AKAP12: variants seen among roughly 807,000 people sequenced by gnomAD.
AKAP12 encodes A-kinase anchoring protein 12, also known as A-kinase anchor protein 12.
In AKAP12, 32 loss-of-function variants were observed where a neutral mutation model predicts 79.9. That is an observed-to-expected ratio of 0.40 (90% CI 0.30 to 0.54). The LOEUF (loss-of-function observed/expected upper bound fraction) is 0.54. Ranked by LOEUF, AKAP12 falls within the 20% of genes least tolerant of loss-of-function variation. AKAP12 has a pLI of 0.48. For synonymous variants in AKAP12, 808 were observed against 857.0 expected (o/e 0.94, Z 1.00); for missense variants, 2,074 against 2,177.0 (o/e 0.95, Z 0.94).
chr6:151,325,716 C>T lies in AKAP12; in HGVS notation c.319+19813C>T. Reference sequence around the variant, plus strand: ...AGCTCCGAGGGCACCTCCGGTTCTCCCCCATCCTCCGGGAGTGTCTGGGCG... The same window carrying T: ...AGCTCCGAGGGCACCTCCGGTTCTCTCCCATCCTCCGGGAGTGTCTGGGCG... On this transcript the variant is annotated intron_variant, in intron 3 of 4. Coordinates refer to ENST00000402676, the MANE Select transcript of AKAP12 (RefSeq NM_005100.4). The T allele has an allele frequency of 2.0e-6, 3 of 1,499,564 alleles. No homozygotes were observed. The African/African-American group carries it at 4.2e-5, about 21-fold the overall frequency. 92.9% of individuals were successfully genotyped at this position (1,499,564 alleles called of 1,614,324 possible).
At chr6:151,244,601 TC>T (rs1241250869) in intron 2 of AKAP12, among the ~76,000 whole-genome samples, 4 of 152,064 alleles carry the variant, frequency 2.6e-5, no homozygotes, top group Non-Finnish European at 5.9e-5. Flanking sequence ...CCCATAAGCT[TC>T]CTCCTATTTG....
At chr6:151,264,398 T>C (rs1391654127) in intron 2 of AKAP12, among the ~76,000 whole-genome samples, 2 of 138,004 alleles carry the variant, frequency 1.4e-5, no homozygotes, top group African/African-American at 5.4e-5. Flanking sequence ...AGCTTGGGCA[T>C]AGTGGCTCAC....
At chr6:151,347,040 A>T (rs1478048672) in intron 3 of AKAP12, among the ~76,000 whole-genome samples, 1 of 152,168 alleles carries the variant, frequency 6.6e-6, no homozygotes, top group Non-Finnish European at 1.5e-5. Context: ...CAGACGAGTA[A>T]TGTGCCATCG....
chr6:151,298,828 ATTTTTTTCTT>A (rs968373920), intron 2 of AKAP12: 2 of 151,922 alleles, frequency 1.3e-5, no homozygotes, highest in African/African-American at 2.4e-5. Flanking sequence ...AAATGAAAAA[ATTTTTTTCTT>A]TTTAAAAGCC....
intron 2 of AKAP12, among the ~76,000 whole-genome samples, chr6:151,261,741 A>T (rs770592976): frequency 3.2e-5 from 1 of 31,430 alleles, no homozygotes; most frequent in Non-Finnish European, 5.3e-5. Context: ...TATTTTATTT[A>T]TTTATTTATT....
rs1776713272 is a variant in AKAP12, at chr6:151,295,855, G to A, written c.163-9892G>A. ...GTTCAGACAGCTGGGCCCTGTTTTC[G>A]TCCTGTGGAGCTGGAGGGAAGGGGC... On this transcript the variant is annotated intron_variant, in intron 2 of 4. Coordinates refer to ENST00000402676, the MANE Select transcript of AKAP12 (RefSeq NM_005100.4). Among the ~76,000 whole-genome samples the A allele has an allele frequency of 2.0e-5, 3 of 152,270 alleles. No homozygotes were observed. In the South Asian group the frequency reaches 6.2e-4, roughly 32 times the overall value.
chr6:151,344,672 T>C (rs1291630958), intron 3 of AKAP12, among the ~76,000 whole-genome samples: 2 of 151,884 alleles, frequency 1.3e-5, no homozygotes, highest in African/African-American at 2.4e-5. Context: ...TAGCTAGGGC[T>C]ACAGGCACCC....
intron 2 of AKAP12, among the ~76,000 whole-genome samples, chr6:151,242,985 G>T (rs1255005444): frequency 6.6e-6 from 1 of 152,132 alleles, no homozygotes; most frequent in Non-Finnish European, 1.5e-5. Flanking sequence ...TCATTATCAC[G>T]TGAGACTGAT....
intron 3 of AKAP12, chr6:151,325,563 A>G: frequency 1.6e-6 from 2 of 1,286,722 alleles, no homozygotes; most frequent in Non-Finnish European, 2.0e-6. Context: ...TGCGCTCCCG[A>G]AGTCCTGGAG....
At chr6:151,347,730 T>G (rs1184575870) in intron 3 of AKAP12, among the ~76,000 whole-genome samples, 1 of 152,228 alleles carries the variant, frequency 6.6e-6, no homozygotes, top group Non-Finnish European at 1.5e-5. Context: ...TATTAATTGG[T>G]CATATTTTTA....
At chr6:151,354,563 T>C (rs572401481) in intron 4 of AKAP12, among the ~76,000 whole-genome samples, 69 of 150,738 alleles carry the variant, frequency 4.6e-4, no homozygotes, top group African/African-American at 1.2e-3. Context: ...TTAGTAGAGA[T>C]GGGTTTTCAC....
intron 4 of AKAP12, among the ~76,000 whole-genome samples, chr6:151,354,567 T>G (rs541167477): frequency 8.6e-4 from 129 of 149,970 alleles, no homozygotes; most frequent in Middle Eastern, 3.5e-3. Flanking sequence ...TAGAGATGGG[T>G]TTTCACCGTG....
At position 151,350,168 on chromosome 6, in the gene AKAP12, G is replaced by A. The variant is rs1472632579; in HGVS notation, c.1777G>A (p.Glu593Lys). 1.2e-6 allele frequency: 2 copies of A among 1,613,900 alleles called. No homozygotes were observed. Among genetic ancestry groups the A allele is most frequent in the East Asian group, 2.2e-5 (1 of 44,858 alleles). Residue 593 changes from glutamate to lysine, a missense_variant, in exon 4 of 5, where the codon GAA becomes AAA. By Grantham distance (56) the Glu-to-Lys change is moderately conservative. Around this residue, in one of 3 missense-constraint regions of AKAP12, gnomAD observed 1,428 missense variants for 1,451.0 expected, o/e 0.98. Transcript: ENST00000402676. The surrounding 1 kb of genome is among the most constrained non-coding windows in gnomAD (Gnocchi z 4.8). ...LAEVQQDGEA[E>K]EGATSDGEKK... The stretch of plus-strand genomic sequence containing the variant: ...CGAGGTGCAGCAGGATGGGGAAGCT[G>A]AAGAAGGAGCTACTTCCGATGGAGA...
chr6:151,333,706 T>C (rs1243380577), intron 3 of AKAP12, among the ~76,000 whole-genome samples: 1 of 148,728 alleles, frequency 6.7e-6, no homozygotes, highest in Non-Finnish European at 1.5e-5. Flanking sequence ...ACCACTGCAC[T>C]CTAGCCTGGG....
intron 2 of AKAP12, among the ~76,000 whole-genome samples, chr6:151,262,853 C>T (rs1482333816): frequency 6.6e-6 from 1 of 152,100 alleles, no homozygotes; most frequent in Non-Finnish European, 1.5e-5. Flanking sequence ...ATCTCACAGG[C>T]CTGCTTGGTC....
intron 2 of AKAP12, among the ~76,000 whole-genome samples, chr6:151,274,960 C>T (rs959268313): frequency 1.3e-5 from 2 of 152,048 alleles, no homozygotes; most frequent in Non-Finnish European, 2.9e-5. Flanking sequence ...AAAAATTAAC[C>T]AGGCCTGATG....
chr6:151,253,577 A>G (rs1797232473), intron 2 of AKAP12, among the ~76,000 whole-genome samples: 2 of 152,116 alleles, frequency 1.3e-5, no homozygotes, highest in South Asian at 4.1e-4. Context: ...AGAAACTTCA[A>G]CCTTAGGTGG....
At chr6:151,315,876 C>T (rs557987561) in intron 3 of AKAP12, among the ~76,000 whole-genome samples, 42 of 152,148 alleles carry the variant, frequency 2.8e-4, no homozygotes, top group South Asian at 1.7e-3. Context: ...GGAGAAGTGG[C>T]GAGCAAAAGG....
chr6:151,248,399 G>A (rs1797115708), intron 2 of AKAP12, among the ~76,000 whole-genome samples: 1 of 151,894 alleles, frequency 6.6e-6, no homozygotes, highest in Non-Finnish European at 1.5e-5. Flanking sequence ...CACTGTGCTG[G>A]GATTCTGTAG....
Sources: gnomAD v4.1 joint callset for allele counts (sites outside exome capture counted in the v4.1 genomes callset) on GRCh38, gnomAD v4.1.1 for gene constraint, gnomAD v4.1.1 regional missense constraint, Gnocchi (gnomAD v3.1) non-coding constraint, MANE v1.5 for transcripts, NCBI Gene and HGNC (gene_info 2026-07-23, HGNC 2026-07-21) for gene names.